The following DPF3 variants were observed in gnomAD, a reference collection of about 807,000 sequenced individuals.
DPF3 encodes the protein zinc finger protein DPF3.
Under a neutral mutation model 56.8 loss-of-function variants are expected in DPF3, and 18 were observed. The ratio of observed to expected loss-of-function variants is 0.32; its 90% CI spans 0.22 to 0.47. DPF3 has a LOEUF of 0.47. Among genes scored for constraint, DPF3 ranks in the 20% least tolerant of loss-of-function variants. The pLI is 1.00. For missense variants in DPF3, 403 were observed against 488.8 expected, an observed-to-expected ratio of 0.82 and a Z score of 1.65; for synonymous variants, 188 against 180.2, an observed-to-expected ratio of 1.04 and a Z score of -0.35.
chr14:72,699,075 T>A (rs1888038984), intron 6 of DPF3, among the ~76,000 whole-genome samples: 2 of 152,110 alleles, frequency 1.3e-5, no homozygotes, highest in African/African-American at 4.8e-5. Flanking sequence ...ATTTTGGAGC[T>A]GGCAGGGTGG....
At position 72,713,041 on chromosome 14, in the gene DPF3, C is replaced by T. The variant is rs1422986832; in HGVS notation, c.604+1382G>A. Among the ~76,000 whole-genome samples the T allele has an allele frequency of 6.6e-5, 10 of 152,254 alleles. No individual in the cohort carries two copies. In the South Asian group the frequency reaches 1.9e-3, roughly 28 times the overall value. ...CCAGCCCATGGCTTACAGCCAGTCT[C>T]TCAAGGGTCAGCATGCTGGGGCTTC... On this transcript the variant is annotated intron_variant, in intron 6 of 10. Transcript: ENST00000556509.
intron 6 of DPF3, among the ~76,000 whole-genome samples, chr14:72,703,677 G>A (rs1888280580): frequency 6.6e-6 from 1 of 152,172 alleles, no homozygotes; most frequent in Non-Finnish European, 1.5e-5. Context: ...CTCAGCCTCG[G>A]TTTCCTCGTC....
At chr14:72,889,679 T>C (rs556624009) in intron 1 of DPF3, among the ~76,000 whole-genome samples, 5 of 152,298 alleles carry the variant, frequency 3.3e-5, no homozygotes, top group South Asian at 4.1e-4. Context: ...AAAACCACTT[T>C]AGATTAGAAT....
At chr14:72,888,415 T>G (rs1341896772) in intron 1 of DPF3, among the ~76,000 whole-genome samples, 2 of 152,186 alleles carry the variant, frequency 1.3e-5, no homozygotes, top group Non-Finnish European at 2.9e-5. Flanking sequence ...CCATATGGTT[T>G]GACAGACTGT....
chr14:72,713,380 G>T (rs1359407721), intron 6 of DPF3, among the ~76,000 whole-genome samples: 7 of 152,168 alleles, frequency 4.6e-5, no homozygotes, highest in African/African-American at 1.7e-4. Flanking sequence ...GGAGACAAAA[G>T]ACACCACCCC....
chr14:72,621,240 A>AAGGGGAT (rs1372325742), intron 9 of DPF3, among the ~76,000 whole-genome samples: 5 of 152,148 alleles, frequency 3.3e-5, no homozygotes, highest in African/African-American at 1.2e-4. Context: ...ATGGACTATA[A>AAGGGGAT]AGCCCTTGGG....
chr14:72,709,547 C>T (rs1017007580), intron 6 of DPF3, among the ~76,000 whole-genome samples: 2 of 152,172 alleles, frequency 1.3e-5, no homozygotes, highest in African/African-American at 2.4e-5. Flanking sequence ...GTAAGTTGTG[C>T]GTTCTCATTA....
At chr14:72,623,416 A>C (rs1599309780) in intron 9 of DPF3, among the ~76,000 whole-genome samples, 1 of 152,354 alleles carries the variant, frequency 6.6e-6, no homozygotes, top group East Asian at 1.9e-4. Flanking sequence ...ACTATAAAAC[A>C]ATTAATTTGA....
intron 1 of DPF3, among the ~76,000 whole-genome samples, chr14:72,780,745 G>C (rs1311233818): frequency 6.6e-6 from 1 of 152,052 alleles, no homozygotes; most frequent in African/African-American, 2.4e-5. Context: ...ACCCTGCAAG[G>C]TGCCACAGAA....
chr14:72,811,840 C>T (rs569867273), intron 1 of DPF3, among the ~76,000 whole-genome samples: 1 of 152,086 alleles, frequency 6.6e-6, no homozygotes, highest in Non-Finnish European at 1.5e-5. Context: ...GTAGGTTACT[C>T]CCATTCTGCA....
chr14:72,861,066 CACAGACACAT>C (rs1567260553), intron 1 of DPF3, among the ~76,000 whole-genome samples: 1 of 140,636 alleles, frequency 7.1e-6, no homozygotes, highest in African/African-American at 2.9e-5. Flanking sequence ...CACACACACA[CACAGACACAT>C]ACACACTTCC....
chr14:72,725,675 C>A (rs370800561), intron 4 of DPF3, among the ~76,000 whole-genome samples: 2 of 152,156 alleles, frequency 1.3e-5, no homozygotes, highest in African/African-American at 4.8e-5. Flanking sequence ...AAGGCTGAGA[C>A]AGTGGCACAC....
At chr14:72,802,300 G>A (rs1450950952) in intron 1 of DPF3, among the ~76,000 whole-genome samples, 1 of 152,210 alleles carries the variant, frequency 6.6e-6, no homozygotes, top group Non-Finnish European at 1.5e-5. Flanking sequence ...GGAGACCCAT[G>A]TTCTCACCCT....
chr14:72,691,504 G>A (rs1271984953), intron 7 of DPF3, among the ~76,000 whole-genome samples: 6 of 152,152 alleles, frequency 3.9e-5, no homozygotes, highest in Admixed American at 1.3e-4. Flanking sequence ...CAAGGCAGGC[G>A]GATCACGAGG....
rs1883818007 is a variant in DPF3 at position 72,612,773 on chromosome 14, G to C, written c.*6524C>G. 1 of 364,054 alleles carries C rather than the reference G, an allele frequency of 2.7e-6. No individual in the cohort carries two copies. Among genetic ancestry groups the C allele is most frequent in the Non-Finnish European group, 5.5e-6 (1 of 183,396 alleles). The allele number at this position is 364,054 out of a possible 1,614,324, so 22.6% of individuals were successfully genotyped here. A position where few individuals can be genotyped will look rare whatever the true frequency, so the allele number is the denominator to read the frequency against. ...TGCCAAATATCTTTCATGAAAAGAA[G>C]CATAGGTGAACGAAGGGAAGAGAAG... On this transcript the variant is annotated 3_prime_UTR_variant, in exon 11 of 11. Transcript: ENST00000556509.
At chr14:72,757,003 G>A (rs1324872930) in intron 2 of DPF3, among the ~76,000 whole-genome samples, 1 of 141,582 alleles carries the variant, frequency 7.1e-6, no homozygotes, top group Non-Finnish European at 1.5e-5. Context: ...GAGAGAGGGA[G>A]AGAGGAGAGA....
At chr14:72,703,426 T>C (rs1888264846) in intron 6 of DPF3, among the ~76,000 whole-genome samples, 1 of 152,136 alleles carries the variant, frequency 6.6e-6, no homozygotes, top group Admixed American at 6.5e-5. Flanking sequence ...GGGAATTTAC[T>C]AGATGTGAGG....
intron 2 of DPF3, among the ~76,000 whole-genome samples, 198 bp downstream of exon 2, chr14:72,771,535 T>C (rs1257951793): frequency 1.5e-5 from 2 of 129,130 alleles, no homozygotes; most frequent in African/African-American, 5.8e-5. Context: ...CCCCACACCA[T>C]CCTTGTCACA....
At chr14:72,850,573 A>C (rs1884941536) in intron 1 of DPF3, among the ~76,000 whole-genome samples, 1 of 152,162 alleles carries the variant, frequency 6.6e-6, no homozygotes, top group Admixed American at 6.5e-5. Flanking sequence ...GCACTCATCC[A>C]TGTGGCTGCC....
Sources: allele counts gnomAD v4.1 joint callset (sites outside exome capture counted in the v4.1 genomes callset), GRCh38; gene constraint gnomAD v4.1.1; transcripts MANE v1.5; gene names NCBI Gene and HGNC (gene_info 2026-07-23, HGNC 2026-07-21).